DGKB: variants seen among roughly 807,000 people sequenced by gnomAD.
The protein encoded by DGKB is 90 kDa diacylglycerol kinase.
Under a neutral mutation model 114.3 loss-of-function variants are expected in DGKB, and 67 were observed. That is an observed-to-expected ratio of 0.59 (90% CI 0.48 to 0.72). The LOEUF (loss-of-function observed/expected upper bound fraction) is 0.72, where lower values mean the gene tolerates loss of function less well. DGKB is among the 30% of genes least tolerant of loss of function. The pLI, the probability that DGKB is intolerant of heterozygous loss-of-function variation, is 0.00. For missense variants in DGKB, 907 were observed against 975.2 expected (o/e 0.93, Z 0.93); for synonymous variants, 398 against 323.1 (o/e 1.23, Z -2.49).
At chr7:14,491,869 C>A (rs1784645953) in intron 20 of DGKB, among the ~76,000 whole-genome samples, 1 of 151,868 alleles carries the variant, frequency 6.6e-6, no homozygotes, top group Non-Finnish European at 1.5e-5. Context: ...TAGCTTAAAA[C>A]CATGAGAGAC....
chr7:14,741,302 A>G (rs1346203368), intron 4 of DGKB, among the ~76,000 whole-genome samples: 2 of 152,214 alleles, frequency 1.3e-5, no homozygotes, highest in Admixed American at 6.5e-5. Context: ...AACCAGTAAA[A>G]GGAATGGTAG....
chr7:14,618,196 T>C (rs1419769771), intron 15 of DGKB, among the ~76,000 whole-genome samples: 1 of 151,508 alleles, frequency 6.6e-6, no homozygotes, highest in Non-Finnish European at 1.5e-5. Context: ...ATTAATTTAA[T>C]ATACATATAT....
At chr7:14,501,317 C>T (rs1786134595) in intron 20 of DGKB, among the ~76,000 whole-genome samples, 1 of 151,846 alleles carries the variant, frequency 6.6e-6, no homozygotes, top group African/African-American at 2.4e-5. Context: ...CCCAAAGTAG[C>T]ATCTCAAGTT....
chr7:14,399,861 T>C (rs942254219), intron 21 of DGKB, among the ~76,000 whole-genome samples: 1 of 151,670 alleles, frequency 6.6e-6, no homozygotes, highest in African/African-American at 2.4e-5. Context: ...AAAATGAAAG[T>C]TTTTTTTAAA....
At chr7:14,428,360 C>A (rs1448629027) in intron 21 of DGKB, among the ~76,000 whole-genome samples, 1 of 151,982 alleles carries the variant, frequency 6.6e-6, no homozygotes, top group Non-Finnish European at 1.5e-5. Context: ...CTTAGTCTCT[C>A]CTGGTTTGGG....
At chr7:14,737,560 C>A (rs1353133770) in intron 4 of DGKB, among the ~76,000 whole-genome samples, 1 of 152,004 alleles carries the variant, frequency 6.6e-6, no homozygotes, top group Non-Finnish European at 1.5e-5. Context: ...TAGATTTGAT[C>A]ATGTGCCAAT....
At chr7:14,446,523 G>T (rs911020903) in intron 21 of DGKB, among the ~76,000 whole-genome samples, 1 of 152,086 alleles carries the variant, frequency 6.6e-6, no homozygotes, top group East Asian at 1.9e-4. Context: ...ATCATTAATG[G>T]CAACTTAAAA....
chr7:14,149,607 A>G (rs1313448165), intron 25 of DGKB, among the ~76,000 whole-genome samples: 1 of 152,126 alleles, frequency 6.6e-6, no homozygotes, highest in Non-Finnish European at 1.5e-5. Flanking sequence ...GAAGTCAGGA[A>G]AGAAGGCACC....
At chr7:14,260,968 C>T (rs941886543) in intron 23 of DGKB, among the ~76,000 whole-genome samples, 3 of 152,062 alleles carry the variant, frequency 2.0e-5, no homozygotes, top group African/African-American at 7.2e-5. Flanking sequence ...AACCAAAACA[C>T]GCCTGAGATT....
chr7:14,702,894 TATA>T (rs1170432180), intron 6 of DGKB, among the ~76,000 whole-genome samples: 1 of 152,214 alleles, frequency 6.6e-6, no homozygotes, highest in Non-Finnish European at 1.5e-5. Context: ...GCCATGTCAC[TATA>T]ATATTATATT....
chr7:14,783,664 C>T lies in DGKB; in HGVS notation c.71-25933G>A, dbSNP rs182244142. Among the ~76,000 whole-genome samples, 359 of 152,272 alleles carry T rather than the reference C, an allele frequency of 2.4e-3. 1 individual carries two copies. Among genetic ancestry groups the T allele is most frequent in the African/African-American group, 8.4e-3 (350 of 41,536 alleles). ...ACATTGACAAGTGCAAATATTTTGG[C>T]CTTCCTTTTGTCATCATTAAATTTG... On this transcript the variant is annotated intron_variant, in intron 2 of 25. Coordinates refer to ENST00000402815, the MANE Select transcript of DGKB (RefSeq NM_001350709.2).
intron 23 of DGKB, among the ~76,000 whole-genome samples, chr7:14,305,462 C>T (rs1244770948): frequency 6.6e-6 from 1 of 152,020 alleles, no homozygotes; most frequent in Non-Finnish European, 1.5e-5. Context: ...TTGAGGTTGA[C>T]ATGGAGGAGA....
At position 14,296,038 on chromosome 7, in the gene DGKB, A is replaced by ATT. The variant is rs67910544; in HGVS notation, c.2122+42475_2122+42476dup. Among the ~76,000 whole-genome samples, 241 of 141,394 alleles carry ATT rather than the reference A, an allele frequency of 1.7e-3. 2 individuals are homozygous for ATT. Among genetic ancestry groups the ATT allele is most frequent in the South Asian group, 0.011 (49 of 4,424 alleles). 92.8% of individuals were successfully genotyped at this position (141,394 alleles called of 152,430 possible). A position where few individuals can be genotyped will look rare whatever the true frequency, so the allele number is the denominator to read the frequency against. On this transcript the variant is annotated intron_variant, in intron 23 of 25. Coordinates refer to ENST00000402815, the MANE Select transcript of DGKB (RefSeq NM_001350709.2). Reference sequence around the variant, plus strand: ...ATGTCCCTGCAAAGGTCATGAACTCATTTTTTTTTTTTTTTCAGACAAGAA... The same window carrying ATT: ...ATGTCCCTGCAAAGGTCATGAACTCATTTTTTTTTTTTTTTTTCAGACAAGAA...
At chr7:14,357,019 T>A (rs1814682635) in intron 21 of DGKB, among the ~76,000 whole-genome samples, 1 of 152,188 alleles carries the variant, frequency 6.6e-6, no homozygotes, top group African/African-American at 2.4e-5. Context: ...CTTCCAACTA[T>A]GTGGTCAATT....
chr7:14,408,380 T>C (rs942429462), intron 21 of DGKB, among the ~76,000 whole-genome samples: 5 of 152,104 alleles, frequency 3.3e-5, no homozygotes, highest in Non-Finnish European at 7.4e-5. Context: ...AGCAATTGTT[T>C]ATGTGACCGG....
chr7:14,383,414 T>C (rs577964630), intron 21 of DGKB, among the ~76,000 whole-genome samples: 1 of 152,316 alleles, frequency 6.6e-6, no homozygotes, highest in East Asian at 1.9e-4. Flanking sequence ...GCAGCATATA[T>C]CATGAAGTCC....
intron 13 of DGKB, among the ~76,000 whole-genome samples, chr7:14,633,922 G>T (rs1291789161): frequency 6.6e-6 from 1 of 151,242 alleles, no homozygotes; most frequent in Non-Finnish European, 1.5e-5. Context: ...TAAGTATTAG[G>T]ATATCTCTTG....
At chr7:14,216,272 C>T (rs1193022196) in intron 23 of DGKB, among the ~76,000 whole-genome samples, 2 of 152,080 alleles carry the variant, frequency 1.3e-5, no homozygotes, top group Non-Finnish European at 2.9e-5. Flanking sequence ...AATAAAATGA[C>T]ACTGGTAAAT....
chr7:14,187,994 T>C (rs1368510956), intron 23 of DGKB, among the ~76,000 whole-genome samples: 1 of 151,506 alleles, frequency 6.6e-6, no homozygotes, highest in Non-Finnish European at 1.5e-5. Flanking sequence ...TCAACAAAGA[T>C]GTATATAAAA....
Sources: gnomAD v4.1 joint callset for allele counts (sites outside exome capture counted in the v4.1 genomes callset) on GRCh38, gnomAD v4.1.1 for gene constraint, MANE v1.5 for transcripts, NCBI Gene and HGNC (gene_info 2026-07-23, HGNC 2026-07-21) for gene names.